Variants in NAV1 observed in about 807,000 individuals in gnomAD.
NAV1 encodes the protein neuron navigator 1, also known as pore membrane and/or filament interacting like protein 3.
In NAV1, 18 loss-of-function variants were observed where a neutral mutation model predicts 175.2. The ratio of observed to expected loss-of-function variants is 0.10; its 90% CI spans 0.07 to 0.15. NAV1 has a LOEUF of 0.15. Among genes scored for constraint, NAV1 ranks in the 10% least tolerant of loss-of-function variants. NAV1 has a pLI of 1.00. For synonymous variants in NAV1, 897 were observed against 978.7 expected (o/e 0.92, Z 1.56); for missense variants, 1,731 against 2,436.6 (o/e 0.71, Z 6.10).
intron 1 of NAV1, among the ~76,000 whole-genome samples, chr1:201,700,203 G>C (rs1245237756): frequency 6.6e-6 from 1 of 152,186 alleles, no homozygotes; most frequent in Non-Finnish European, 1.5e-5. Context: ...CTGACAAAGG[G>C]CTAATATCCA....
chr1:201,634,980 T>C (rs1212646607), intron 2 of NAV1, among the ~76,000 whole-genome samples: 2 of 152,226 alleles, frequency 1.3e-5, no homozygotes, highest in African/African-American at 2.4e-5. Flanking sequence ...CCAGGACCTC[T>C]GCATTGCCCA....
chr1:201,817,221 C>T (rs1679094311), exon 29 of NAV1: 1 of 1,614,160 alleles, frequency 6.2e-7, no homozygotes, highest in Non-Finnish European at 8.5e-7. Context: ...CACAGCATTG[C>T]CTCACCTCCC....
In NAV1 at chr1:201,729,823, G is replaced by A. The variant is rs570583407; in HGVS notation, c.1226+11068G>A. 1.4e-3 allele frequency among the ~76,000 whole-genome samples: 207 copies of A among 151,856 alleles called. 1 individual carries two copies. The highest frequency in any genetic ancestry group is 2.3e-3 in the Non-Finnish European group (157 of 67,876). ...CGGGAGGCTGAGGCAGGAGAATGGC[G>A]TGAACCCGGGAGGTGGAGCTTGCAG... On this transcript the variant is annotated intron_variant, in intron 3 of 29. Coordinates refer to ENST00000367296, the Ensembl canonical transcript of NAV1.
intron 1 of NAV1, among the ~76,000 whole-genome samples, chr1:201,666,280 A>G (rs1669820756): frequency 6.6e-6 from 1 of 152,126 alleles, no homozygotes; most frequent in African/African-American, 2.4e-5. Context: ...TGACACTAGT[A>G]TCAGCCTGAG....
At chr1:201,777,887 A>T (rs552353705) in intron 3 of NAV1, among the ~76,000 whole-genome samples, 1 of 152,252 alleles carries the variant, frequency 6.6e-6, no homozygotes, top group South Asian at 2.1e-4. Flanking sequence ...ATGAGCTGAG[A>T]TTATGCCACT....
intron 3 of NAV1, among the ~76,000 whole-genome samples, chr1:201,752,564 A>G (rs1415584327): frequency 1.3e-5 from 2 of 151,876 alleles, no homozygotes; most frequent in African/African-American, 2.4e-5. Context: ...GGTCCCAGTC[A>G]TCACCTTAGA....
chr1:201,763,172 C>A (rs1674969983), intron 3 of NAV1, among the ~76,000 whole-genome samples: 1 of 152,150 alleles, frequency 6.6e-6, no homozygotes, highest in Admixed American at 6.5e-5. Context: ...AATCATTTTC[C>A]TTGATGTTCA....
intron 1 of NAV1, among the ~76,000 whole-genome samples, chr1:201,566,858 A>G (rs766219644): frequency 6.6e-6 from 1 of 151,002 alleles, no homozygotes; most frequent in Non-Finnish European, 1.5e-5. Context: ...ACCATTTTGT[A>G]TTTTTGCTTT....
intron 3 of NAV1, among the ~76,000 whole-genome samples, chr1:201,761,913 T>C (rs530226973): frequency 6.6e-6 from 1 of 152,216 alleles, no homozygotes; most frequent in East Asian, 1.9e-4. Flanking sequence ...AGCACTTTGG[T>C]AAGCCAAGGC....
At chr1:201,755,525 T>G (rs977597421) in intron 3 of NAV1, among the ~76,000 whole-genome samples, 16 of 152,174 alleles carry the variant, frequency 1.1e-4, no homozygotes. Flanking sequence ...GTTTTTATTG[T>G]TATTTGAAAG....
chr1:201,610,291 A>C (rs1045626048), intron 2 of NAV1, among the ~76,000 whole-genome samples: 1 of 152,250 alleles, frequency 6.6e-6, no homozygotes, highest in Non-Finnish European at 1.5e-5. Context: ...ATTCACGTGG[A>C]CCAAATCAGC....
At chr1:201,573,854 A>C (rs181348159) in intron 1 of NAV1, among the ~76,000 whole-genome samples, 44 of 152,284 alleles carry the variant, frequency 2.9e-4, no homozygotes, top group Middle Eastern at 6.8e-3. Context: ...AAGAATGCCT[A>C]GTCCCAACCT....
intron 1 of NAV1, among the ~76,000 whole-genome samples, chr1:201,702,148 T>C (rs543606674): frequency 6.6e-6 from 1 of 152,310 alleles, no homozygotes; most frequent in South Asian, 2.1e-4. Flanking sequence ...TATTGCATGA[T>C]TACATTTCTA....
At chr1:201,659,897 G>C (rs1335471162) in intron 1 of NAV1, among the ~76,000 whole-genome samples, 1 of 152,212 alleles carries the variant, frequency 6.6e-6, no homozygotes, top group African/African-American at 2.4e-5. Flanking sequence ...GGCTGTTCCA[G>C]TTGCCATGCC....
In NAV1 at chr1:201,626,080, G is replaced by A. The variant is rs182455663; in HGVS notation, c.-101+2474G>A. ...AGTTCAAGACAGATTTGAGGCTCAA[G>A]GGTGCGATTAGGACCAAGGACACTC... On this transcript the variant is annotated intron_variant, in intron 1 of 29. Coordinates refer to the NAV1 transcript ENST00000367302. Among the ~76,000 whole-genome samples, 1,056 of 152,302 alleles carry A rather than the reference G, an allele frequency of 6.9e-3. 7 individuals are homozygous for A. Among genetic ancestry groups the A allele is most frequent in the Non-Finnish European group, 9.3e-3 (636 of 68,028 alleles).
chr1:201,713,716 G>A (rs534852513), intron 2 of NAV1, among the ~76,000 whole-genome samples: 2 of 152,214 alleles, frequency 1.3e-5, no homozygotes, highest in East Asian at 1.9e-4. Context: ...ATCATGGGGG[G>A]TGTGGGGCAG....
intron 3 of NAV1, among the ~76,000 whole-genome samples, chr1:201,776,142 C>A (rs1240848856): frequency 1.3e-5 from 2 of 151,518 alleles, no homozygotes; most frequent in Admixed American, 6.6e-5. Context: ...TGTGTGTGTA[C>A]CTATATATGT....
At chr1:201,645,405 G>A (rs1384379894), upstream of NAV1, among the ~76,000 whole-genome samples, 2 of 106,348 alleles carry the variant, frequency 1.9e-5, no homozygotes, top group East Asian at 6.8e-4. Context: ...CTGTTGTGGG[G>A]TGGGGGGAGG....
intron 2 of NAV1, among the ~76,000 whole-genome samples, chr1:201,640,523 G>A (rs1003905490): frequency 6.6e-6 from 1 of 152,250 alleles, no homozygotes; most frequent in African/African-American, 2.4e-5. Flanking sequence ...CAGAAGTGTG[G>A]TGAAACTATC....
Sources: allele counts gnomAD v4.1 joint callset (sites outside exome capture counted in the v4.1 genomes callset), GRCh38; gene constraint gnomAD v4.1.1; transcripts MANE v1.5; gene names NCBI Gene and HGNC (gene_info 2026-07-23, HGNC 2026-07-21).